MIR2052HG: variants seen among roughly 807,000 people sequenced by gnomAD.
MIR2052HG encodes the protein MIR2052 host gene.
intron 2 of MIR2052HG, among the ~76,000 whole-genome samples, chr8:74,644,521 A>C (rs933322551): frequency 6.6e-6 from 1 of 152,138 alleles, no homozygotes; most frequent in African/African-American, 2.4e-5. Context: ...TTTCTCAGAA[A>C]ATATCCGTTT....
chr8:74,625,207 C>T (rs1808419102), intron 2 of MIR2052HG: 1 of 152,092 alleles, frequency 6.6e-6, no homozygotes, highest in Non-Finnish European at 1.5e-5. Context: ...TACAGGCATA[C>T]ATCACCATGC....
chr8:74,692,846 C>T (rs1169261414), intron 2 of MIR2052HG, among the ~76,000 whole-genome samples: 1 of 152,054 alleles, frequency 6.6e-6, no homozygotes, highest in Non-Finnish European at 1.5e-5. Context: ...CCAACTCTGT[C>T]AAGGTTATAT....
chr8:74,604,424 C>G (rs942445450), intron 1 of MIR2052HG, among the ~76,000 whole-genome samples: 1 of 125,248 alleles, frequency 8.0e-6, no homozygotes, highest in East Asian at 2.4e-4. Flanking sequence ...TGAGGGGGGG[C>G]CCCGCGGGCG....
chr8:74,658,313 T>C (rs1808827092), intron 2 of MIR2052HG, among the ~76,000 whole-genome samples: 1 of 152,282 alleles, frequency 6.6e-6, no homozygotes, highest in African/African-American at 2.4e-5. Context: ...CTGTCTTTCC[T>C]GAGAATGTAT....
At chr8:74,691,095 G>T (rs1416304022) in intron 2 of MIR2052HG, among the ~76,000 whole-genome samples, 2 of 152,204 alleles carry the variant, frequency 1.3e-5, no homozygotes, top group African/African-American at 4.8e-5. Context: ...AGTAATGTAA[G>T]TGAGATAAAT....
chr8:74,727,970 G>A (rs1284394476), intron 4 of MIR2052HG, among the ~76,000 whole-genome samples: 2 of 150,740 alleles, frequency 1.3e-5, no homozygotes, highest in African/African-American at 2.5e-5. Flanking sequence ...CCTATGTAAA[G>A]TGCCAACCAA....
chr8:74,635,132 C>T (rs1263766813), intron 2 of MIR2052HG, among the ~76,000 whole-genome samples: 1 of 151,944 alleles, frequency 6.6e-6, no homozygotes. Context: ...ATTATGGTCT[C>T]ATTTGACTGA....
At chr8:74,617,334 C>A (rs1008469637) in intron 2 of MIR2052HG, among the ~76,000 whole-genome samples, 2 of 152,042 alleles carry the variant, frequency 1.3e-5, no homozygotes, top group Non-Finnish European at 2.9e-5. Context: ...TAAGTGAGAA[C>A]ATGCAGTATT....
intron 2 of MIR2052HG, among the ~76,000 whole-genome samples, chr8:74,687,204 G>T (rs967103016): frequency 1.3e-5 from 2 of 152,128 alleles, no homozygotes; most frequent in African/African-American, 2.4e-5. Flanking sequence ...ATAAGTGTTG[G>T]TGGGGACTTC....
In MIR2052HG at chr8:74,722,437, A is replaced by T. The variant is rs185833652; in HGVS notation, n.371+18755A>T. On this transcript the variant is annotated intron_variant and non_coding_transcript_variant, in intron 4 of 6. Transcript: ENST00000523442. ...CCAGCTTACCTGAAAGATATTTATG[A>T]CTATGTATTTTTGTAGAAATCATTC... 1.3e-5 allele frequency among the ~76,000 whole-genome samples: 2 copies of T among 152,214 alleles called. 1 individual carries two copies. The highest frequency in any genetic ancestry group is 4.1e-4 in the South Asian group (2 of 4,834).
chr8:74,743,909 G>C (rs1042187534), intron 4 of MIR2052HG, among the ~76,000 whole-genome samples: 5 of 152,162 alleles, frequency 3.3e-5, no homozygotes, highest in African/African-American at 7.2e-5. Context: ...CCATGAGCAA[G>C]AGTCAGCAGA....
intron 4 of MIR2052HG, among the ~76,000 whole-genome samples, chr8:74,733,405 A>G (rs1446405341): frequency 6.6e-6 from 1 of 152,192 alleles, no homozygotes; most frequent in Non-Finnish European, 1.5e-5. Flanking sequence ...TACAAAGGAC[A>G]TAAATTCATC....
intron 4 of MIR2052HG, among the ~76,000 whole-genome samples, chr8:74,733,125 C>T (rs1035814613): frequency 2.6e-5 from 4 of 151,664 alleles, no homozygotes; most frequent in African/African-American, 9.7e-5. Flanking sequence ...TACATGTGCA[C>T]AATGTGCAGG....
chr8:74,708,882 A>G (rs1809437183), intron 4 of MIR2052HG, among the ~76,000 whole-genome samples: 3 of 152,012 alleles, frequency 2.0e-5, no homozygotes, highest in African/African-American at 7.2e-5. Flanking sequence ...TGCATGGCAT[A>G]TTGGGAACTT....
intron 1 of MIR2052HG, among the ~76,000 whole-genome samples, chr8:74,600,172 A>G (rs1192464288): frequency 2.0e-5 from 3 of 152,194 alleles, no homozygotes; most frequent in Admixed American, 6.5e-5. Flanking sequence ...TTGGAAATGC[A>G]GAAATCACCC....
At chr8:74,683,126 G>C (rs1019886055) in intron 2 of MIR2052HG, among the ~76,000 whole-genome samples, 3 of 152,098 alleles carry the variant, frequency 2.0e-5, no homozygotes, top group African/African-American at 4.8e-5. Context: ...TACATAGAAG[G>C]CTTGAGAGTG....
intron 4 of MIR2052HG, among the ~76,000 whole-genome samples, chr8:74,706,373 C>T (rs895209085): frequency 1.3e-5 from 2 of 152,106 alleles, no homozygotes; most frequent in African/African-American, 2.4e-5. Context: ...AGTCATCCCT[C>T]ATAAATTTAC....
intron 4 of MIR2052HG, among the ~76,000 whole-genome samples, chr8:74,722,458 C>A (rs1809587937): frequency 6.6e-6 from 1 of 152,150 alleles, no homozygotes; most frequent in South Asian, 2.1e-4. Context: ...TTGTAGAAAT[C>A]ATTCTTGGCA....
chr8:74,711,004 C>T (rs1399741620), intron 4 of MIR2052HG, among the ~76,000 whole-genome samples: 2 of 152,196 alleles, frequency 1.3e-5, no homozygotes, highest in East Asian at 1.9e-4. Context: ...TCATGGACAA[C>T]ACTATGCCTT....
Sources: gnomAD v4.1 joint callset for allele counts (sites outside exome capture counted in the v4.1 genomes callset) on GRCh38, gnomAD v4.1.1 for gene constraint, MANE v1.5 for transcripts, NCBI Gene and HGNC (gene_info 2026-07-23, HGNC 2026-07-21) for gene names.